The following UBAC2 variants were observed in gnomAD, a reference collection of about 807,000 sequenced individuals.
The protein encoded by UBAC2 is ubiquitin-associated domain-containing protein 2.
A neutral mutation model predicts 44.0 loss-of-function variants in UBAC2; 26 were observed. The observed-to-expected ratio is 0.59, with a 90% confidence interval of 0.43 to 0.82. The LOEUF is 0.82. Among genes scored for constraint, UBAC2 ranks in the 40% least tolerant of loss-of-function variants. The pLI is 0.00. For missense variants in UBAC2, 329 were observed against 419.4 expected (o/e 0.78, Z 1.88); for synonymous variants, 155 against 154.3 (o/e 1.00, Z -0.04).
At chr13:99,352,776 A>G (rs79199942) in intron 7 of UBAC2, among the ~76,000 whole-genome samples, 4,671 of 150,084 alleles carry the variant, frequency 0.031, 98 homozygotes, top group Middle Eastern at 0.13. Flanking sequence ...CGTCAGTTAC[A>G]GTGAAATGTG....
intron 3 of UBAC2, 102 bp downstream of exon 3, chr13:99,244,053 T>C (rs1359434219): frequency 1.3e-5 from 13 of 977,948 alleles, no homozygotes; most frequent in African/African-American, 4.9e-5. Context: ...TTTACAGTTA[T>C]CTTTTTAATT....
chr13:99,242,744 C>T (rs2043329442), intron 2 of UBAC2, among the ~76,000 whole-genome samples: 1 of 137,202 alleles, frequency 7.3e-6, no homozygotes, highest in Non-Finnish European at 1.6e-5. Flanking sequence ...ACCCCCACCT[C>T]TCTCCCGGAC....
chr13:99,375,970 ATTTTTTTTTTTT>A (rs34164759), intron 8 of UBAC2, among the ~76,000 whole-genome samples: 1 of 130,838 alleles, frequency 7.6e-6, no homozygotes, highest in Admixed American at 7.6e-5. Flanking sequence ...AGCCCAGCTA[ATTTTTTTTTTTT>A]TTTTTTTTGG....
At chr13:99,298,667 C>A (rs1399135988) in intron 4 of UBAC2, among the ~76,000 whole-genome samples, 1 of 151,994 alleles carries the variant, frequency 6.6e-6, no homozygotes, top group African/African-American at 2.4e-5. Context: ...CAATAAATAT[C>A]AGTTTTACAT....
intron 4 of UBAC2, among the ~76,000 whole-genome samples, chr13:99,270,184 G>A (rs1308487916): frequency 6.6e-6 from 1 of 152,060 alleles, no homozygotes; most frequent in Non-Finnish European, 1.5e-5. Context: ...CGTAAGGTGA[G>A]GCAACACACT....
At chr13:99,293,049 G>A (rs1275770892) in intron 4 of UBAC2, among the ~76,000 whole-genome samples, 1 of 152,138 alleles carries the variant, frequency 6.6e-6, no homozygotes, top group Non-Finnish European at 1.5e-5. Flanking sequence ...AGTAGAATGG[G>A]CAGCCTTTAA....
chr13:99,333,874 A>G (rs1460322933), intron 6 of UBAC2, among the ~76,000 whole-genome samples: 1 of 152,148 alleles, frequency 6.6e-6, no homozygotes, highest in African/African-American at 2.4e-5. Context: ...AAGAGCTTCT[A>G]CCAAATTGTG....
intron 4 of UBAC2, among the ~76,000 whole-genome samples, chr13:99,273,328 G>GT (rs1035053516): frequency 3.3e-5 from 5 of 152,108 alleles, no homozygotes; most frequent in African/African-American, 1.2e-4. Context: ...GTCAGATTAG[G>GT]TTAAGAGGGG....
intron 1 of UBAC2, chr13:99,201,317 A>G (rs1593984174): frequency 1.3e-6 from 2 of 1,497,792 alleles, no homozygotes; most frequent in Non-Finnish European, 1.8e-6. Context: ...ACCATGCCCC[A>G]TTCTTTTAGG....
chr13:99,359,109 G>A (rs1378518633), intron 7 of UBAC2, among the ~76,000 whole-genome samples: 2 of 152,174 alleles, frequency 1.3e-5, no homozygotes, highest in Admixed American at 6.5e-5. Context: ...ACACTGAGAA[G>A]GCGTAGCTAG....
intron 7 of UBAC2, among the ~76,000 whole-genome samples, chr13:99,350,541 TGTGCTGGAGCAGGGTGCAGGGG>T (rs1390769421): frequency 6.6e-6 from 1 of 152,252 alleles, no homozygotes; most frequent in East Asian, 1.9e-4. Flanking sequence ...TTGCTGAATG[TGTGCTGGAGCAGGGTGCAGGGG>T]GTGCCAGAGA....
intron 1 of UBAC2, among the ~76,000 whole-genome samples, chr13:99,217,745 C>T (rs569185289): frequency 6.6e-6 from 1 of 152,158 alleles, no homozygotes; most frequent in Non-Finnish European, 1.5e-5. Flanking sequence ...AGTTACTTGC[C>T]AGCACTTTAA....
At chr13:99,269,293 A>C (rs965409400) in intron 4 of UBAC2, among the ~76,000 whole-genome samples, 1 of 152,208 alleles carries the variant, frequency 6.6e-6, no homozygotes, top group Non-Finnish European at 1.5e-5. Flanking sequence ...TGTGAGATTC[A>C]TAAGTAGGCT....
rs753781033 is a variant in UBAC2 at position 99,367,797 on chromosome 13, T to G, written c.818T>G (p.Ile273Ser). The G allele has an allele frequency of 6.2e-7, 1 of 1,613,852 alleles. No homozygotes were observed. Among genetic ancestry groups the G allele is most frequent in the Admixed American group, 1.7e-5 (1 of 60,010 alleles). ...TTGATCTCTTTTTAGGGAGGAATGA[T>G]CAATTGGAATCGTCTTTTTCCTCCT... is the stretch of plus-strand genomic sequence containing the variant. ...RRQRQQQGGMINWNRLFPPLR... is the reference protein window; with the variant it reads ...RRQRQQQGGMSNWNRLFPPLR... The change falls in exon 8 of 9, where the codon ATC (isoleucine) becomes AGC (serine). Residue 273 changes from isoleucine (I) to serine (S), a missense_variant. Physicochemically the swap from Ile to Ser is moderately radical, Grantham distance 142. Transcript: ENST00000403766.
Position 99,385,889 on chromosome 13 carries a change from A to C in UBAC2, c.*554A>C, listed in dbSNP as rs757832596. 4 of 154,540 alleles carry C rather than the reference A, an allele frequency of 2.6e-5. No individual in the cohort carries two copies. The highest frequency in any genetic ancestry group is 5.8e-5 in the Non-Finnish European group (4 of 69,256). 9.6% of individuals were successfully genotyped at this position (154,540 alleles called of 1,614,324 possible). A position where few individuals can be genotyped will look rare whatever the true frequency, so the allele number is the denominator to read the frequency against. On this transcript the variant is annotated 3_prime_UTR_variant, in exon 9 of 9. Coordinates refer to ENST00000403766, the MANE Select transcript of UBAC2 (RefSeq NM_001144072.2). ...AGGACTCTGCAGTACCTTCTCCTAC[A>C]TCTAGTAACAAAGAATGGTGATAAC...
At chr13:99,360,231 C>CT (rs1332402047) in intron 7 of UBAC2, among the ~76,000 whole-genome samples, 1 of 152,070 alleles carries the variant, frequency 6.6e-6, no homozygotes, top group Non-Finnish European at 1.5e-5. Context: ...ATCCTGTAGT[C>CT]TAGTTGGGAA....
chr13:99,328,965 G>A (rs939265639), intron 6 of UBAC2, among the ~76,000 whole-genome samples: 1 of 152,160 alleles, frequency 6.6e-6, no homozygotes, highest in African/African-American at 2.4e-5. Context: ...ATTTAGGTCT[G>A]TGATCCAGTT....
At chr13:99,335,473 C>T (rs1020419621) in intron 6 of UBAC2, among the ~76,000 whole-genome samples, 1 of 152,024 alleles carries the variant, frequency 6.6e-6, no homozygotes, top group South Asian at 2.1e-4. Flanking sequence ...ACCCTGTCCC[C>T]CATCACCCCT....
At chr13:99,267,544 C>T (rs2043759250) in intron 4 of UBAC2, among the ~76,000 whole-genome samples, 1 of 152,186 alleles carries the variant, frequency 6.6e-6, no homozygotes. Flanking sequence ...AGCACCTTTG[C>T]CTTGTCCAGG....
Sources: gnomAD v4.1 joint callset for allele counts (sites outside exome capture counted in the v4.1 genomes callset) on GRCh38, gnomAD v4.1.1 for gene constraint, MANE v1.5 for transcripts, NCBI Gene and HGNC (gene_info 2026-07-23, HGNC 2026-07-21) for gene names.